KCND2: variants seen among roughly 807,000 people sequenced by gnomAD.
The protein encoded by KCND2 is potassium voltage-gated channel subfamily D member 2.
Under a neutral mutation model 54.4 loss-of-function variants are expected in KCND2, and 16 were observed. The observed-to-expected ratio is 0.29, with a 90% CI of 0.20 to 0.45. KCND2 has a LOEUF of 0.45. Ranked by LOEUF, KCND2 falls within the 20% of genes least tolerant of loss-of-function variation. The probability of loss-of-function intolerance (pLI) is 1.00; values close to 1 mark genes in which losing one functional copy is unlikely to be tolerated. For synonymous variants in KCND2, 317 were observed against 310.7 expected, an observed-to-expected ratio of 1.02 and a Z score of -0.21; for missense variants, 486 against 824.2, an observed-to-expected ratio of 0.59 and a Z score of 5.02.
At chr7:120,492,270 G>A (rs1802793881) in intron 1 of KCND2, among the ~76,000 whole-genome samples, 1 of 151,994 alleles carries the variant, frequency 6.6e-6, no homozygotes. Context: ...AAGTCTTAAG[G>A]TAGGTGAATT....
intron 1 of KCND2, among the ~76,000 whole-genome samples, chr7:120,727,343 G>A (rs1366437115): frequency 1.3e-5 from 2 of 152,156 alleles, no homozygotes; most frequent in African/African-American, 4.8e-5. Flanking sequence ...GGTTTACAAT[G>A]AATTATGTTT....
intron 1 of KCND2, among the ~76,000 whole-genome samples, chr7:120,454,408 GT>G (rs1300999803): frequency 1.3e-5 from 2 of 152,174 alleles, no homozygotes; most frequent in East Asian, 3.9e-4. Context: ...AAATCCCTCA[GT>G]GACTGCTACA....
At chr7:120,599,272 G>GT (rs1309454334) in intron 1 of KCND2, among the ~76,000 whole-genome samples, 1 of 151,832 alleles carries the variant, frequency 6.6e-6, no homozygotes, top group Admixed American at 6.6e-5. Flanking sequence ...CCTTCTTCTT[G>GT]TTCAAAATTA....
At chr7:120,621,276 C>CAAAAAAAAAAAAAAA (rs1175736454) in intron 1 of KCND2, among the ~76,000 whole-genome samples, 8 of 47,202 alleles carry the variant, frequency 1.7e-4, no homozygotes, top group East Asian at 6.2e-4. Context: ...GACTCCGTCT[C>CAAAAAAAAAAAAAAA]AAAAAAAAAA....
intron 1 of KCND2, among the ~76,000 whole-genome samples, chr7:120,470,173 A>C (rs1010780454): frequency 6.6e-5 from 10 of 152,176 alleles, no homozygotes; most frequent in Non-Finnish European, 1.3e-4. Context: ...CTCATGTTCC[A>C]AGACACACTC....
intron 1 of KCND2, among the ~76,000 whole-genome samples, chr7:120,447,718 A>G (rs1400700419): frequency 6.6e-6 from 1 of 152,210 alleles, no homozygotes; most frequent in East Asian, 1.9e-4. Flanking sequence ...TAAATATGAC[A>G]TTTTATTTAT....
At chr7:120,426,841 C>T (rs1226154188) in intron 1 of KCND2, among the ~76,000 whole-genome samples, 4 of 151,994 alleles carry the variant, frequency 2.6e-5, no homozygotes, top group East Asian at 1.9e-4. Flanking sequence ...AGGATGGTCT[C>T]GATCTCCTGA....
chr7:120,463,611 T>A (rs1296747915), intron 1 of KCND2, among the ~76,000 whole-genome samples: 1 of 152,096 alleles, frequency 6.6e-6, no homozygotes, highest in African/African-American at 2.4e-5. Flanking sequence ...TTCTCTTTAC[T>A]CTTGGGTTGT....
rs192871659 is a variant in KCND2 at position 120,689,201 on chromosome 7, G to A, written c.1116-43702G>A. On this transcript the variant is annotated intron_variant, in intron 1 of 5. Transcript: ENST00000331113. ...CTTCCAATATCACATTGCATTTTTA[G>A]TTTCTGGACACGAAAAATGCAACAT... Among the ~76,000 whole-genome samples, 321 of 152,192 alleles carry A rather than the reference G, an allele frequency of 2.1e-3. 2 individuals carry two copies. Among genetic ancestry groups the A allele is most frequent in the African/African-American group, 7.0e-3 (290 of 41,536 alleles).
chr7:120,568,015 T>C (rs1272728352), intron 1 of KCND2, among the ~76,000 whole-genome samples: 1 of 152,094 alleles, frequency 6.6e-6, no homozygotes, highest in Non-Finnish European at 1.5e-5. Context: ...TGTGTGTTTT[T>C]GGTAATAGCC....
intron 1 of KCND2, among the ~76,000 whole-genome samples, chr7:120,576,232 T>G (rs1377898607): frequency 6.6e-6 from 1 of 152,124 alleles, no homozygotes; most frequent in Non-Finnish European, 1.5e-5. Context: ...GATGAAAAAT[T>G]TTTGAATGAA....
At chr7:120,605,455 T>C (rs1183802919) in intron 1 of KCND2, among the ~76,000 whole-genome samples, 1 of 152,254 alleles carries the variant, frequency 6.6e-6, no homozygotes, top group Admixed American at 6.5e-5. Flanking sequence ...TACCACATTT[T>C]GTCTATTCAT....
Position 120,275,368 on chromosome 7 carries a change from C to T in KCND2, c.736C>T (p.Leu246Phe). The T allele has an allele frequency of 1.2e-6, 2 of 1,613,802 alleles. No individual in the cohort carries two copies. Among genetic ancestry groups the T allele is most frequent in the Non-Finnish European group, 1.7e-6 (2 of 1,179,948 alleles). The part of the protein sequence containing the change: ...CVMIFTVEYL[L>F]RLAAAPSRYR... ...CATGATCTTCACAGTTGAGTATTTG[C>T]TTCGCCTGGCTGCAGCGCCTAGTCG... is the stretch of plus-strand genomic sequence containing the variant. The change falls in exon 1 of 6, where the codon CTT becomes TTT. Residue 246 changes from leucine (L) to phenylalanine (F), a missense_variant. Coordinates refer to ENST00000331113, the MANE Select transcript of KCND2 (RefSeq NM_012281.3).
chr7:120,531,625 A>G (rs1057232289), intron 1 of KCND2, among the ~76,000 whole-genome samples: 2 of 152,114 alleles, frequency 1.3e-5, no homozygotes, highest in African/African-American at 4.8e-5. Context: ...CAGGCTTTGA[A>G]GCCCACTCTC....
chr7:120,456,984 G>A (rs1473392692), intron 1 of KCND2, among the ~76,000 whole-genome samples: 1 of 152,196 alleles, frequency 6.6e-6, no homozygotes, highest in Non-Finnish European at 1.5e-5. Context: ...CTTGACCCAG[G>A]TGCACCTGCA....
chr7:120,615,446 A>T (rs1052312338), intron 1 of KCND2, among the ~76,000 whole-genome samples: 1 of 152,220 alleles, frequency 6.6e-6, no homozygotes, highest in Non-Finnish European at 1.5e-5. Flanking sequence ...TATAATATTA[A>T]TGATGAGGTC....
At chr7:120,660,971 G>A (rs1020476984) in intron 1 of KCND2, among the ~76,000 whole-genome samples, 1 of 151,404 alleles carries the variant, frequency 6.6e-6, no homozygotes, top group Admixed American at 6.6e-5. Context: ...TTTTATTTTT[G>A]ATTTTTAATT....
intron 1 of KCND2, among the ~76,000 whole-genome samples, chr7:120,675,400 C>CTT (rs560152224): frequency 6.9e-6 from 1 of 144,860 alleles, no homozygotes; most frequent in East Asian, 2.0e-4. Flanking sequence ...AATTTTTTCT[C>CTT]TTTTTTTTTT....
chr7:120,737,060 ACAC>A (rs1792880086), intron 2 of KCND2, among the ~76,000 whole-genome samples: 1 of 144,592 alleles, frequency 6.9e-6, no homozygotes, highest in African/African-American at 2.6e-5. Context: ...ACACACACAC[ACAC>A]ACACACACAC....
Sources: gnomAD v4.1 joint callset for allele counts (sites outside exome capture counted in the v4.1 genomes callset) on GRCh38, gnomAD v4.1.1 for gene constraint, MANE v1.5 for transcripts, NCBI Gene and HGNC (gene_info 2026-07-23, HGNC 2026-07-21) for gene names.